Variants in SUCLG2 observed in about 807,000 individuals in gnomAD.
SUCLG2 encodes succinate-CoA ligase GDP-forming subunit beta, also known as succinate--CoA ligase [GDP-forming] subunit beta, mitochondrial.
A neutral mutation model predicts 47.9 loss-of-function variants in SUCLG2; 42 were observed. That is an observed-to-expected ratio of 0.88 (90% CI 0.69 to 1.14). SUCLG2 has a LOEUF of 1.14. SUCLG2 is among the 50% of genes most tolerant of loss of function. The pLI is 0.00. For missense variants in SUCLG2, 571 were observed against 525.9 expected (o/e 1.09, Z -0.84); for synonymous variants, 195 against 197.3 (o/e 0.99, Z 0.10).
intron 1 of SUCLG2, among the ~76,000 whole-genome samples, chr3:67,651,006 A>T (rs6779395): frequency 0.37 from 55,956 of 151,930 alleles, 10,666 homozygotes; most frequent in African/African-American, 0.43. Context: ...TACTGCACAC[A>T]CTTTTCACTT....
At chr3:67,382,504 G>A (rs1295542757) in intron 10 of SUCLG2, among the ~76,000 whole-genome samples, 1 of 152,176 alleles carries the variant, frequency 6.6e-6, no homozygotes, top group African/African-American at 2.4e-5. Context: ...CTGAGTCAGG[G>A]CTGGCAAGTT....
At chr3:67,523,432 A>G (rs1313533360) in intron 4 of SUCLG2, among the ~76,000 whole-genome samples, 1 of 152,224 alleles carries the variant, frequency 6.6e-6, no homozygotes, top group Non-Finnish European at 1.5e-5. Context: ...GTTCTCACCA[A>G]CAATGAAGGT....
chr3:67,396,078 C>T (rs1394603135), intron 10 of SUCLG2, among the ~76,000 whole-genome samples: 2 of 151,668 alleles, frequency 1.3e-5, no homozygotes, highest in Non-Finnish European at 2.9e-5. Flanking sequence ...AGGAAAGATC[C>T]AAAATTGACA....
chr3:67,551,190 G>C (rs901700849), intron 2 of SUCLG2, among the ~76,000 whole-genome samples: 6 of 152,250 alleles, frequency 3.9e-5, no homozygotes, highest in Admixed American at 3.3e-4. Context: ...AGTTAAAAAG[G>C]GTTAGATGCC....
chr3:67,651,320 A>G (rs773659002), intron 1 of SUCLG2, among the ~76,000 whole-genome samples: 1 of 152,038 alleles, frequency 6.6e-6, no homozygotes, highest in Non-Finnish European at 1.5e-5. Flanking sequence ...CTAGTCTACT[A>G]CCACTTTCCC....
intron 9 of SUCLG2, among the ~76,000 whole-genome samples, chr3:67,449,947 GA>G (rs1244876856): frequency 6.6e-6 from 1 of 152,054 alleles, no homozygotes; most frequent in Non-Finnish European, 1.5e-5. Flanking sequence ...TACATTATTT[GA>G]AAAGAGAACA....
intron 9 of SUCLG2, among the ~76,000 whole-genome samples, chr3:67,451,658 C>A (rs1371517811): frequency 6.6e-6 from 1 of 151,394 alleles, no homozygotes; most frequent in Non-Finnish European, 1.5e-5. Flanking sequence ...CTTTCTTATA[C>A]TTTTTACTTC....
intron 9 of SUCLG2, among the ~76,000 whole-genome samples, chr3:67,421,165 T>G (rs990830171): frequency 2.0e-5 from 3 of 152,102 alleles, no homozygotes; most frequent in Non-Finnish European, 4.4e-5. Context: ...CATCTGACCA[T>G]GCAGCTTACC....
chr3:67,627,817 C>G (rs78896430), intron 1 of SUCLG2, among the ~76,000 whole-genome samples: 1 of 152,202 alleles, frequency 6.6e-6, no homozygotes, highest in East Asian at 1.9e-4. Flanking sequence ...AGCCTTGGAG[C>G]CACTGAAACC....
chr3:67,461,336 T>TATAGATTATATA (rs1410490283), intron 9 of SUCLG2, among the ~76,000 whole-genome samples: 1 of 152,128 alleles, frequency 6.6e-6, no homozygotes, highest in Non-Finnish European at 1.5e-5. Context: ...CTGCTTGAAG[T>TATAGATTATATA]CTTGAAAGTA....
chr3:67,443,923 G>C (rs1314549538), intron 9 of SUCLG2, among the ~76,000 whole-genome samples: 6 of 90,574 alleles, frequency 6.6e-5, no homozygotes, highest in African/African-American at 1.4e-4. Flanking sequence ...AGTGAGGAGC[G>C]TCTCCGCCCG....
At chr3:67,545,474 G>T (rs1361103365) in intron 2 of SUCLG2, among the ~76,000 whole-genome samples, 1 of 152,098 alleles carries the variant, frequency 6.6e-6, no homozygotes, top group African/African-American at 2.4e-5. Flanking sequence ...GCAATGTCTT[G>T]CTCTTTTATT....
At chr3:67,422,211 T>C (rs1187939138) in intron 9 of SUCLG2, among the ~76,000 whole-genome samples, 1 of 151,280 alleles carries the variant, frequency 6.6e-6, no homozygotes, top group Non-Finnish European at 1.5e-5. Context: ...CAGTGGCTCA[T>C]GCCTGTAATC....
At chr3:67,631,488 C>T (rs773271864) in intron 1 of SUCLG2, among the ~76,000 whole-genome samples, 2 of 151,940 alleles carry the variant, frequency 1.3e-5, no homozygotes, top group African/African-American at 2.4e-5. Context: ...AGTAGCCGGG[C>T]GTGGTGGATA....
chr3:67,392,381 T>C (rs114156126), intron 10 of SUCLG2, among the ~76,000 whole-genome samples: 5,374 of 152,306 alleles, frequency 0.035, 135 homozygotes, highest in Non-Finnish European at 0.05. Flanking sequence ...ATCTGCTCCA[T>C]TGTCTAAAAA....
At chr3:67,448,905 GA>G (rs1703990282) in intron 9 of SUCLG2, among the ~76,000 whole-genome samples, 2 of 151,454 alleles carry the variant, frequency 1.3e-5, no homozygotes, top group South Asian at 2.1e-4. Context: ...TTCTGGTAGT[GA>G]AAAAAAACTT....
chr3:67,450,542 GA>G (rs1223662954), intron 9 of SUCLG2, among the ~76,000 whole-genome samples: 3 of 152,108 alleles, frequency 2.0e-5, no homozygotes, highest in Non-Finnish European at 4.4e-5. Flanking sequence ...CAGAGAAGTT[GA>G]AAAAAATTGA....
At chr3:67,525,744 A>C (rs2107140396) in intron 4 of SUCLG2, among the ~76,000 whole-genome samples, 1 of 152,308 alleles carries the variant, frequency 6.6e-6, no homozygotes, top group East Asian at 1.9e-4. Context: ...TAGACCTGAT[A>C]CTAAAAAGGT....
intron 2 of SUCLG2, among the ~76,000 whole-genome samples, chr3:67,594,286 T>C (rs1708245037): frequency 6.6e-6 from 1 of 152,214 alleles, no homozygotes; most frequent in Non-Finnish European, 1.5e-5. Context: ...TAAAATCAAA[T>C]ATACTTAGCT....
Sources: gnomAD v4.1 joint callset for allele counts (sites outside exome capture counted in the v4.1 genomes callset) on GRCh38, gnomAD v4.1.1 for gene constraint, MANE v1.5 for transcripts, NCBI Gene and HGNC (gene_info 2026-07-23, HGNC 2026-07-21) for gene names.